Variants in THSD7B observed in about 807,000 individuals in gnomAD.
The protein encoded by THSD7B is thrombospondin type 1 domain containing 7B.
Under a neutral mutation model 213.6 loss-of-function variants are expected in THSD7B, and 138 were observed. The ratio of observed to expected loss-of-function variants is 0.65; its 90% CI spans 0.56 to 0.74. THSD7B has a LOEUF of 0.74. THSD7B is among the 30% of genes least tolerant of loss of function. THSD7B has a pLI of 0.00. For missense variants in THSD7B, 1,931 were observed against 1,991.5 expected (o/e 0.97, Z 0.58); for synonymous variants, 742 against 687.0 (o/e 1.08, Z -1.25).
At chr2:137,658,384 A>G (rs1010975861) in intron 24 of THSD7B, among the ~76,000 whole-genome samples, 1 of 152,218 alleles carries the variant, frequency 6.6e-6, no homozygotes, top group African/African-American at 2.4e-5. Context: ...AGTGTATAAC[A>G]TGTAATCATC....
chr2:137,242,324 C>T (rs1573907486), intron 9 of THSD7B, 133 bp from the exon 10 acceptor site: 1 of 631,790 alleles, frequency 1.6e-6, no homozygotes, highest in Non-Finnish European at 2.7e-6. Flanking sequence ...GCTTCACCTC[C>T]AGGAGTCTCT....
chr2:137,307,594 A>C (rs1683785567), intron 12 of THSD7B, among the ~76,000 whole-genome samples: 1 of 152,108 alleles, frequency 6.6e-6, no homozygotes, highest in South Asian at 2.1e-4. Flanking sequence ...GGAATGTCAA[A>C]TGCCAAATGT....
chr2:137,344,521 T>G (rs1365617077), intron 12 of THSD7B, among the ~76,000 whole-genome samples: 1 of 151,792 alleles, frequency 6.6e-6, no homozygotes, highest in East Asian at 1.9e-4. Context: ...CAAAAAAAGA[T>G]GCTGCTTTAT....
chr2:137,434,677 G>A (rs1687256264), intron 14 of THSD7B, among the ~76,000 whole-genome samples: 1 of 152,152 alleles, frequency 6.6e-6, no homozygotes, highest in African/African-American at 2.4e-5. Context: ...TTGCTTTACT[G>A]TGTCTGTTTT....
At chr2:136,876,347 A>C (rs963019065) in intron 1 of THSD7B, among the ~76,000 whole-genome samples, 4 of 152,184 alleles carry the variant, frequency 2.6e-5, no homozygotes, top group African/African-American at 9.7e-5. Context: ...TTGTTTTATG[A>C]GGGCAATATT....
At position 137,057,150 on chromosome 2, in the gene THSD7B, G is replaced by C. The variant is rs769798553; in HGVS notation, c.870G>C (p.Ser290=). 1 of 1,613,916 alleles carries C rather than the reference G, an allele frequency of 6.2e-7. No homozygotes were observed. The highest frequency in any genetic ancestry group is 8.5e-7 in the Non-Finnish European group (1 of 1,179,878). ...AAAGTTACAAAGCACATCATCATTC[G>C]AAGTCTTGGGCAATAGAGATAGGTT... ...KHQSYKAHHH[S]KSWAIEIGYQ... The change falls in exon 3 of 28, where the codon TCG becomes TCC. Residue 290 remains serine (S), a synonymous_variant. Coordinates refer to ENST00000409968, the MANE Select transcript of THSD7B (RefSeq NM_001316349.2).
rs184528419 is a variant in THSD7B at position 136,962,676 on chromosome 2, A to G, written c.139+80359A>G. On this transcript the variant is annotated intron_variant, in intron 2 of 27. Coordinates refer to ENST00000409968, the MANE Select transcript of THSD7B (RefSeq NM_001316349.2). ...AGAGTCAGCCTGGCCTTGAGAAACT[A>G]CTCCTAGGCTTTAGTTTAGAAAGAA... Among the ~76,000 whole-genome samples, 124 of 152,162 alleles carry G rather than the reference A, an allele frequency of 8.1e-4. 1 individual carries two copies. Among genetic ancestry groups the G allele is most frequent in the African/African-American group, 3.0e-3 (123 of 41,546 alleles).
chr2:137,134,546 G>A (rs192366610), intron 5 of THSD7B, among the ~76,000 whole-genome samples: 1 of 152,142 alleles, frequency 6.6e-6, no homozygotes, highest in African/African-American at 2.4e-5. Flanking sequence ...CACTCTAGGG[G>A]TGGGGGGCAC....
At chr2:137,427,599 A>G (rs1687088042) in intron 14 of THSD7B, among the ~76,000 whole-genome samples, 1 of 152,138 alleles carries the variant, frequency 6.6e-6, no homozygotes, top group East Asian at 1.9e-4. Context: ...AGAAAGACAA[A>G]TACTACATGA....
intron 2 of THSD7B, among the ~76,000 whole-genome samples, chr2:137,003,895 G>T (rs1686050347): frequency 6.6e-6 from 1 of 152,090 alleles, no homozygotes; most frequent in East Asian, 1.9e-4. Context: ...ACATTTATCA[G>T]ACTTTACCGC....
At chr2:136,778,867 A>G (rs1049612800) in intron 1 of THSD7B, among the ~76,000 whole-genome samples, 5 of 152,202 alleles carry the variant, frequency 3.3e-5, no homozygotes, top group South Asian at 2.1e-4. Context: ...CCCTGGGCCT[A>G]TAAGTCAGCT....
intron 2 of THSD7B, among the ~76,000 whole-genome samples, chr2:137,036,143 A>G (rs1446363145): frequency 6.6e-6 from 1 of 152,164 alleles, no homozygotes; most frequent in Non-Finnish European, 1.5e-5. Flanking sequence ...TGAATGCTGC[A>G]ATTCTTAGTT....
intron 7 of THSD7B, among the ~76,000 whole-genome samples, chr2:137,190,844 C>T (rs896850317): frequency 2.6e-5 from 4 of 152,188 alleles, no homozygotes; most frequent in African/African-American, 7.2e-5. Flanking sequence ...GTGTGCTCCC[C>T]GTCAGCTGTC....
At chr2:136,885,187 T>A (rs1423402227) in intron 2 of THSD7B, among the ~76,000 whole-genome samples, 1 of 152,114 alleles carries the variant, frequency 6.6e-6, no homozygotes, top group Admixed American at 6.6e-5. Context: ...TAGAAACCAT[T>A]CTCTGGGTTT....
chr2:137,305,384 A>G lies in THSD7B; in HGVS notation c.2500+29358A>G, dbSNP rs977191164. Among the ~76,000 whole-genome samples the G allele has an allele frequency of 2.6e-5, 4 of 152,126 alleles. No individual in the cohort carries two copies. The East Asian group carries it at 5.8e-4, about 22-fold the overall frequency. On this transcript the variant is annotated intron_variant, in intron 12 of 27. Transcript: ENST00000409968. ...GATGGTGAAACTTGGAGTCTACAGG[A>G]CAGGCAGTCAGGAAGAGAATGTCAC... is the stretch of plus-strand genomic sequence containing the variant.
intron 3 of THSD7B, among the ~76,000 whole-genome samples, chr2:137,084,412 T>A (rs1573812610): frequency 6.6e-6 from 1 of 152,280 alleles, no homozygotes; most frequent in Middle Eastern, 3.4e-3. Flanking sequence ...TCTTCTTCAG[T>A]TGGAAGATGT....
At chr2:136,783,721 GAATTGT>G (rs1307074725) in intron 1 of THSD7B, among the ~76,000 whole-genome samples, 1 of 152,216 alleles carries the variant, frequency 6.6e-6, no homozygotes, top group African/African-American at 2.4e-5. Context: ...GGGAGTGTGG[GAATTGT>G]AATTTGCAGG....
chr2:136,933,524 A>G (rs899890833), intron 2 of THSD7B, among the ~76,000 whole-genome samples: 10 of 152,152 alleles, frequency 6.6e-5, no homozygotes, highest in Non-Finnish European at 1.2e-4. Context: ...GGTTGCAGTG[A>G]GCCGAAATCA....
At chr2:137,273,893 A>G (rs1020509986) in intron 11 of THSD7B, among the ~76,000 whole-genome samples, 4 of 152,110 alleles carry the variant, frequency 2.6e-5, no homozygotes, top group Non-Finnish European at 2.9e-5. Context: ...TCCAAATGAA[A>G]AAAATTAGCC....
Sources: allele counts gnomAD v4.1 joint callset (sites outside exome capture counted in the v4.1 genomes callset), GRCh38; gene constraint gnomAD v4.1.1; transcripts MANE v1.5; gene names NCBI Gene and HGNC (gene_info 2026-07-23, HGNC 2026-07-21).